RIPOR2: variants seen among roughly 807,000 people sequenced by gnomAD.
RIPOR2 encodes rho family-interacting cell polarization regulator 2.
A neutral mutation model predicts 114.5 loss-of-function variants in RIPOR2; 39 were observed. The observed-to-expected ratio is 0.34, with a 90% confidence interval of 0.26 to 0.44. The LOEUF is 0.44. RIPOR2 is among the 20% of genes least tolerant of loss of function. The pLI is 1.00. For synonymous variants in RIPOR2, 445 were observed against 484.4 expected, an observed-to-expected ratio of 0.92 and a Z score of 1.07; for missense variants, 1,007 against 1,255.1, an observed-to-expected ratio of 0.80 and a Z score of 2.99.
At chr6:24,927,024 ATGATT>A (rs1561781944) in intron 1 of RIPOR2, among the ~76,000 whole-genome samples, 17 of 2,490 alleles carry the variant, frequency 6.8e-3, no homozygotes, top group African/African-American at 7.0e-3. Flanking sequence ...CACCACCACC[ATGATT>A]ATTATAATCA....
chr6:24,865,456 A>G lies in RIPOR2; in HGVS notation c.502-6T>C. 6.3e-7 allele frequency: 1 copy of G among 1,598,424 alleles called. No individual in the cohort carries two copies. Among genetic ancestry groups the G allele is most frequent in the Non-Finnish European group, 8.5e-7 (1 of 1,170,656 alleles). ...GCTTCATAGAGTTCATCTACCTGCC[A>G]GAATCAAAACAGGAAACAGAAATAA... On this transcript the variant is annotated splice_polypyrimidine_tract_variant and splice_region_variant and intron_variant, in intron 6 of 21. Coordinates refer to ENST00000643898, the MANE Select transcript of RIPOR2 (RefSeq NM_001286445.3).
intron 1 of RIPOR2, among the ~76,000 whole-genome samples, chr6:24,957,557 T>C (rs946750222): frequency 2.0e-5 from 3 of 151,806 alleles, no homozygotes; most frequent in African/African-American, 7.3e-5. Context: ...TTGGAGGGAG[T>C]GATGGCCAAA....
intron 3 of RIPOR2, 134 bp downstream of exon 3, chr6:24,873,510 G>C: frequency 2.6e-6 from 2 of 758,916 alleles, no homozygotes; most frequent in South Asian, 1.7e-5. Context: ...CTTATGTCAG[G>C]CTTCCCTAAT....
At chr6:24,964,099 GGAAATTGACATTGGTGCAGTATCAAAACA>G (rs1773419559) in intron 1 of RIPOR2, among the ~76,000 whole-genome samples, 3 of 150,234 alleles carry the variant, frequency 2.0e-5, no homozygotes. Context: ...ATCAAAACCA[GGAAATTGACATTGGTGCAGTATCAAAACA>G]AGGAAATTGA....
intron 1 of RIPOR2, among the ~76,000 whole-genome samples, chr6:24,915,386 G>T (rs774250914): frequency 2.2e-5 from 3 of 138,596 alleles, no homozygotes; most frequent in Non-Finnish European, 3.0e-5. Flanking sequence ...ATGGAGTCTC[G>T]CTCTGTCACC....
intron 1 of RIPOR2, among the ~76,000 whole-genome samples, chr6:24,924,711 C>T (rs1398887773): frequency 2.6e-5 from 4 of 151,916 alleles, no homozygotes; most frequent in Non-Finnish European, 5.9e-5. Flanking sequence ...TGATAAGACC[C>T]TCCCAGCAGA....
chr6:25,024,302 G>T (rs1480656985), intron 1 of RIPOR2: 5 of 1,525,460 alleles, frequency 3.3e-6, no homozygotes, highest in Non-Finnish European at 3.6e-6. Flanking sequence ...CATCCTCAAT[G>T]AACACCTTTT....
At chr6:24,822,739 C>T (rs1759808539) in intron 19 of RIPOR2, among the ~76,000 whole-genome samples, 1 of 152,158 alleles carries the variant, frequency 6.6e-6, no homozygotes, top group Non-Finnish European at 1.5e-5. Context: ...AGGCTGGTCT[C>T]GAAGTCCTGG....
chr6:24,996,664 C>T (rs978641054), intron 1 of RIPOR2, among the ~76,000 whole-genome samples: 4 of 152,226 alleles, frequency 2.6e-5, no homozygotes, highest in Non-Finnish European at 5.9e-5. Flanking sequence ...ACTTTCAACA[C>T]CCAGGTGAGA....
intron 1 of RIPOR2, among the ~76,000 whole-genome samples, chr6:25,003,785 A>G (rs1411495057): frequency 6.6e-6 from 1 of 152,074 alleles, no homozygotes; most frequent in African/African-American, 2.4e-5. Context: ...ACTTTTTTAT[A>G]TTTTCAGTAG....
At chr6:24,849,510 G>A (rs937271465) in intron 11 of RIPOR2, among the ~76,000 whole-genome samples, 4 of 152,182 alleles carry the variant, frequency 2.6e-5, no homozygotes, top group African/African-American at 9.7e-5. Context: ...TTTAAAGGTA[G>A]AGAGGGAAGG....
intron 6 of RIPOR2, 78 bp from the exon 7 acceptor site, chr6:24,865,528 T>C: frequency 1.6e-6 from 2 of 1,225,416 alleles, no homozygotes; most frequent in Non-Finnish European, 2.3e-6. Flanking sequence ...ACATGCTTAA[T>C]TTACTTTATA....
intron 6 of RIPOR2, among the ~76,000 whole-genome samples, chr6:24,868,645 C>T (rs958253943): frequency 3.9e-5 from 6 of 152,190 alleles, no homozygotes; most frequent in African/African-American, 1.4e-4. Context: ...TGGAAAGAGC[C>T]AAGGGCTTGA....
At chr6:24,840,300 C>A (rs564176461) in intron 13 of RIPOR2, 16 of 1,041,600 alleles carry the variant, frequency 1.5e-5, no homozygotes, top group Non-Finnish European at 1.9e-5. Context: ...TTGGGCATGA[C>A]AAGAAGCAGC....
intron 1 of RIPOR2, among the ~76,000 whole-genome samples, chr6:24,917,415 A>T (rs368074849): frequency 2.0e-5 from 3 of 152,274 alleles, no homozygotes; most frequent in African/African-American, 7.2e-5. Flanking sequence ...GTATTATTGC[A>T]CAAAGGTATT....
At chr6:24,994,649 G>T (rs1774969548) in intron 1 of RIPOR2, among the ~76,000 whole-genome samples, 1 of 152,140 alleles carries the variant, frequency 6.6e-6, no homozygotes. Context: ...ATGGGACATG[G>T]TTTGGGGTGT....
chr6:24,876,465 T>G (rs776884248), intron 1 of RIPOR2, among the ~76,000 whole-genome samples: 16 of 151,794 alleles, frequency 1.1e-4, no homozygotes, highest in Non-Finnish European at 1.8e-4. Flanking sequence ...AACACACAAA[T>G]AGGCCAAGTC....
intron 1 of RIPOR2, among the ~76,000 whole-genome samples, chr6:24,988,173 T>C (rs567617166): frequency 3.4e-4 from 52 of 152,324 alleles, no homozygotes; most frequent in Non-Finnish European, 6.2e-4. Flanking sequence ...TAATGTTCTA[T>C]TGTGAATAGC....
intron 1 of RIPOR2, among the ~76,000 whole-genome samples, chr6:24,982,893 T>C (rs189816885): frequency 7.2e-5 from 11 of 152,260 alleles, no homozygotes; most frequent in African/African-American, 2.4e-4. Flanking sequence ...AGACATGTTG[T>C]TATTTCTTTT....
Sources: gnomAD v4.1 joint callset for allele counts (sites outside exome capture counted in the v4.1 genomes callset) on GRCh38, gnomAD v4.1.1 for gene constraint, MANE v1.5 for transcripts, NCBI Gene and HGNC (gene_info 2026-07-23, HGNC 2026-07-21) for gene names.